ERC1: variants seen among roughly 807,000 people sequenced by gnomAD.
ERC1 encodes the protein RAB6 interacting protein 2.
ERC1 carries 56 observed loss-of-function variants against 132.0 expected under a neutral mutation model. That is an observed-to-expected ratio of 0.42 (90% confidence interval 0.34 to 0.53). ERC1 has a LOEUF of 0.53. Ranked by LOEUF, ERC1 falls within the 20% of genes least tolerant of loss-of-function variation. The pLI is 0.03. For synonymous variants in ERC1, 478 were observed against 476.1 expected (o/e 1.00, Z -0.05); for missense variants, 1,202 against 1,349.9 (o/e 0.89, Z 1.72).
chr12:1,322,299 TCTTC>T (rs1254207778), intron 15 of ERC1, among the ~76,000 whole-genome samples: 1 of 152,186 alleles, frequency 6.6e-6, no homozygotes, highest in Non-Finnish European at 1.5e-5. Flanking sequence ...TGGTTTTCCT[TCTTC>T]CTTTCCATTC....
chr12:1,344,341 C>A (rs535918363), intron 15 of ERC1, among the ~76,000 whole-genome samples: 11 of 152,158 alleles, frequency 7.2e-5, no homozygotes, highest in African/African-American at 2.4e-4. Flanking sequence ...CAGTAGATTC[C>A]GTCAGCATCT....
At chr12:1,111,207 C>T (rs886127498) in intron 5 of ERC1, among the ~76,000 whole-genome samples, 2 of 152,088 alleles carry the variant, frequency 1.3e-5, no homozygotes, top group South Asian at 2.1e-4. Context: ...TATCATCAGT[C>T]ACAATGTTCC....
chr12:1,431,244 G>C (rs1359080706), intron 17 of ERC1, among the ~76,000 whole-genome samples: 1 of 152,202 alleles, frequency 6.6e-6, no homozygotes, highest in Non-Finnish European at 1.5e-5. Context: ...GCAGGGGACA[G>C]GGGCAGATAT....
intron 3 of ERC1, among the ~76,000 whole-genome samples, chr12:1,093,464 C>T (rs76497010): frequency 0.041 from 6,253 of 152,214 alleles, 215 homozygotes; most frequent in Non-Finnish European, 0.064. Flanking sequence ...TTTCAGTCCG[C>T]TAGCAGAGGA....
intron 17 of ERC1, among the ~76,000 whole-genome samples, chr12:1,417,763 A>G (rs1039496206): frequency 3.3e-5 from 5 of 149,734 alleles, no homozygotes; most frequent in Non-Finnish European, 5.9e-5. Flanking sequence ...CCTGGGCAAC[A>G]GAGCAAGACT....
In ERC1 at chr12:1,284,310, A is replaced by G. The variant is rs865955160; in HGVS notation, c.2620-5542A>G. Among the ~76,000 whole-genome samples the G allele has an allele frequency of 3.3e-3, 327 of 98,942 alleles. 1 individual carries two copies. Among genetic ancestry groups the G allele is most frequent in the African/African-American group, 9.6e-3 (271 of 28,354 alleles). 64.9% of individuals were successfully genotyped at this position (98,942 alleles called of 152,430 possible). On this transcript the variant is annotated intron_variant, in intron 14 of 18. Transcript: ENST00000360905. ...TGTGTGTGTGTGTGTGTGTGTGTGT[A>G]TACATACCACATTTTATCCATTCAT...
rs746163650 is a variant in ERC1, at chr12:1,056,071, C to CT, written c.670-27080dup. ...CATTAATTGTTACTTTTATTGTAGC[C>CT]TTTTTTTTTTTTTAAAAAAAAGGTG... On this transcript the variant is annotated intron_variant, in intron 2 of 18. Coordinates refer to ENST00000360905, the MANE Select transcript of ERC1 (RefSeq NM_178040.4). 2.9e-3 allele frequency among the ~76,000 whole-genome samples: 403 copies of CT among 138,180 alleles called. 2 individuals are homozygous for CT. The highest frequency in any genetic ancestry group is 0.012 in the Middle Eastern group (3 of 252). 90.7% of individuals were successfully genotyped at this position (138,180 alleles called of 152,430 possible).
rs1172763560 is a variant in ERC1 at position 1,225,767 on chromosome 12, TG to T, written c.2352-11001del. ...ATAATGCCCCAAATAACCAGGCTAC[TG>T]CTATTGGCATTAAAGGTTGCCAGCA... On this transcript the variant is annotated intron_variant, in intron 12 of 18. Coordinates refer to ENST00000360905, the MANE Select transcript of ERC1 (RefSeq NM_178040.4). Among the ~76,000 whole-genome samples, 102 of 152,328 alleles carry T rather than the reference TG, an allele frequency of 6.7e-4. 1 individual carries two copies. The highest frequency in any genetic ancestry group is 1.2e-3 in the Non-Finnish European group (80 of 68,028).
intron 15 of ERC1, among the ~76,000 whole-genome samples, chr12:1,310,442 C>T (rs143279682): frequency 0.024 from 3,690 of 152,240 alleles, 52 homozygotes; most frequent in Middle Eastern, 0.065. Context: ...CTCCTGACCT[C>T]AGGTGATCTG....
chr12:1,126,107 G>A (rs1487208645), intron 7 of ERC1, among the ~76,000 whole-genome samples: 1 of 152,216 alleles, frequency 6.6e-6, no homozygotes, highest in African/African-American at 2.4e-5. Flanking sequence ...GACTTAAAAT[G>A]ATTGAGATAG....
Position 1,183,488 on chromosome 12 carries a change from T to C in ERC1, c.2157+67T>C. The C allele has an allele frequency of 3.7e-6, 4 of 1,072,570 alleles. No homozygotes were observed. In the South Asian group the frequency reaches 9.4e-5, roughly 25 times the overall value. The allele number at this position is 1,072,570 out of a possible 1,614,324, so 66.4% of individuals were successfully genotyped here. On this transcript the variant is annotated intron_variant, in intron 11 of 18. Coordinates refer to ENST00000360905, the MANE Select transcript of ERC1 (RefSeq NM_178040.4). ...AAGAACATAGTAGATAACCTTAGCA[T>C]GTTTATATGGAATAATTTACCAATG...
rs112683908 is a variant in ERC1, at chr12:1,234,803, G to T, written c.2352-1966G>T. Among the ~76,000 whole-genome samples, 1,430 of 152,194 alleles carry T rather than the reference G, an allele frequency of 9.4e-3. 18 individuals are homozygous for T. The highest frequency in any genetic ancestry group is 0.02 in the South Asian group (94 of 4,816). The stretch of plus-strand genomic sequence containing the variant: ...AGAAACTTTGTACACACCAGAAGTG[G>T]CAATGCATGTAAATATTCCTGGGAA... On this transcript the variant is annotated intron_variant, in intron 12 of 18. Transcript: ENST00000360905.
At chr12:1,432,712 A>T (rs906057762) in intron 17 of ERC1, among the ~76,000 whole-genome samples, 2 of 152,224 alleles carry the variant, frequency 1.3e-5, no homozygotes, top group Non-Finnish European at 2.9e-5. Context: ...CCTAGAATGT[A>T]ACAGACCCTG....
chr12:1,487,866 C>T (rs4321013), intron 18 of ERC1, among the ~76,000 whole-genome samples: 72,740 of 151,286 alleles, frequency 0.48, 19,300 homozygotes, highest in Middle Eastern at 0.63. Flanking sequence ...AGGCCAGGCG[C>T]GGTGACTCAG....
At chr12:1,296,974 GATTTACAAATCCCAGAAACTAA>G (rs1594836234) in intron 15 of ERC1, among the ~76,000 whole-genome samples, 1 of 152,084 alleles carries the variant, frequency 6.6e-6, no homozygotes, top group East Asian at 1.9e-4. Flanking sequence ...ATGAATCTTT[GATTTACAAATCCCAGAAACTAA>G]GTGAAACCAA....
intron 2 of ERC1, among the ~76,000 whole-genome samples, chr12:1,043,176 A>C (rs1371267436): frequency 1.3e-5 from 2 of 151,302 alleles, no homozygotes; most frequent in Non-Finnish European, 2.9e-5. Context: ...CCCAAGTAGC[A>C]GGGACTACAG....
chr12:1,062,233 T>C (rs993776246), intron 2 of ERC1, among the ~76,000 whole-genome samples: 3 of 152,106 alleles, frequency 2.0e-5, no homozygotes, highest in African/African-American at 7.2e-5. Flanking sequence ...TCTGCCCGCC[T>C]CGGCCCCCGA....
chr12:1,343,847 A>T (rs1329727961), intron 15 of ERC1, among the ~76,000 whole-genome samples: 5 of 142,390 alleles, frequency 3.5e-5, no homozygotes, highest in Non-Finnish European at 6.3e-5. Context: ...ATATGTAAAA[A>T]CATTTTTTTT....
intron 15 of ERC1, among the ~76,000 whole-genome samples, chr12:1,295,856 C>T (rs1297587582): frequency 6.6e-6 from 1 of 152,100 alleles, no homozygotes; most frequent in Non-Finnish European, 1.5e-5. Context: ...AAAATCACTG[C>T]TCCTCAGAAG....
Sources: allele counts gnomAD v4.1 joint callset (sites outside exome capture counted in the v4.1 genomes callset), GRCh38; gene constraint gnomAD v4.1.1; transcripts MANE v1.5; gene names NCBI Gene and HGNC (gene_info 2026-07-23, HGNC 2026-07-21).